ELMO1: variants seen among roughly 807,000 people sequenced by gnomAD.
ELMO1 encodes engulfment and cell motility 1.
A neutral mutation model predicts 98.9 loss-of-function variants in ELMO1; 26 were observed. That is an observed-to-expected ratio of 0.26 (90% CI 0.19 to 0.36). ELMO1 has a LOEUF of 0.36. Ranked by LOEUF, ELMO1 falls within the 10% of genes least tolerant of loss-of-function variation. The pLI, the probability that ELMO1 is intolerant of heterozygous loss-of-function variation, is 1.00. For missense variants in ELMO1, 627 were observed against 935.2 expected (o/e 0.67, Z 4.30); for synonymous variants, 346 against 346.0 (o/e 1.00, Z 0.00).
chr7:36,995,969 G>A (rs192538432), intron 16 of ELMO1, among the ~76,000 whole-genome samples: 5 of 152,138 alleles, frequency 3.3e-5, no homozygotes, highest in African/African-American at 1.2e-4. Context: ...CTGGAAGCCA[G>A]GGATCTCCAG....
At chr7:37,003,964 C>A (rs747088960) in intron 16 of ELMO1, among the ~76,000 whole-genome samples, 1 of 152,208 alleles carries the variant, frequency 6.6e-6, no homozygotes, top group Non-Finnish European at 1.5e-5. Flanking sequence ...TATGACAGCA[C>A]CTATGTGCTC....
rs369354930 is a variant in ELMO1 at position 37,311,159 on chromosome 7, C to CAA, written c.192+3689_192+3690dup. On this transcript the variant is annotated intron_variant, in intron 4 of 21. Transcript: ENST00000310758. ...AACATGACATTTTCCCCCACTGCAC[C>CAA]AAAAAAAAACCTCAGTTAATGGCCT... Among the ~76,000 whole-genome samples, 391 of 147,780 alleles carry CAA rather than the reference C, an allele frequency of 2.6e-3. 2 individuals carry two copies. The highest frequency in any genetic ancestry group is 7.3e-3 in the Middle Eastern group (2 of 274).
chr7:37,249,934 T>C (rs541455026), intron 6 of ELMO1, among the ~76,000 whole-genome samples: 1 of 152,188 alleles, frequency 6.6e-6, no homozygotes, highest in South Asian at 2.1e-4. Flanking sequence ...ATTTAAAAAT[T>C]AGCCAGGTGT....
At chr7:36,903,186 T>A (rs1316291876) in intron 16 of ELMO1, among the ~76,000 whole-genome samples, 1 of 152,236 alleles carries the variant, frequency 6.6e-6, no homozygotes, top group South Asian at 2.1e-4. Context: ...TTCACTCCTG[T>A]GCCTTCATTC....
Position 37,295,151 on chromosome 7 carries a change from A to G in ELMO1, c.192+19699T>C, listed in dbSNP as rs548120498. On this transcript the variant is annotated intron_variant, in intron 4 of 21. Coordinates refer to ENST00000310758, the MANE Select transcript of ELMO1 (RefSeq NM_014800.11). ...GCACATACCTATGTAGAAAACCTAT[A>G]AAACATTCATGAGAATGATATACTT... 2.6e-5 allele frequency among the ~76,000 whole-genome samples: 4 copies of G among 152,346 alleles called. No individual in the cohort carries two copies. In the South Asian group the frequency reaches 8.3e-4, roughly 32 times the overall value.
At chr7:36,891,056 G>A (rs181685545) in intron 17 of ELMO1, among the ~76,000 whole-genome samples, 17 of 152,176 alleles carry the variant, frequency 1.1e-4, no homozygotes, top group Admixed American at 5.2e-4. Context: ...TACTCAATTG[G>A]CACCATCCTA....
At chr7:37,086,363 TGTGTG>T (rs981435280) in intron 15 of ELMO1, among the ~76,000 whole-genome samples, 7 of 151,310 alleles carry the variant, frequency 4.6e-5, no homozygotes, top group African/African-American at 1.2e-4. Context: ...TGTGTGTGTG[TGTGTG>T]AAGAGAAGGA....
chr7:37,115,202 A>C (rs1217677435), intron 14 of ELMO1, among the ~76,000 whole-genome samples: 1 of 152,198 alleles, frequency 6.6e-6, no homozygotes, highest in Non-Finnish European at 1.5e-5. Flanking sequence ...ATTCTCTACA[A>C]TCTGTTCCAG....
chr7:36,965,678 G>A (rs566492240), intron 16 of ELMO1, among the ~76,000 whole-genome samples: 1 of 152,106 alleles, frequency 6.6e-6, no homozygotes, highest in African/African-American at 2.4e-5. Flanking sequence ...TTGAAATCAA[G>A]TTTCTATAAA....
At chr7:37,438,396 G>A (rs1805239872) in intron 1 of ELMO1, among the ~76,000 whole-genome samples, 1 of 147,278 alleles carries the variant, frequency 6.8e-6, no homozygotes, top group African/African-American at 2.5e-5. Flanking sequence ...GACCATCCTG[G>A]CTAACACAGT....
intron 13 of ELMO1, among the ~76,000 whole-genome samples, chr7:37,167,371 T>C (rs1407092184): frequency 6.6e-6 from 1 of 152,026 alleles, no homozygotes; most frequent in African/African-American, 2.4e-5. Flanking sequence ...GTGAATTTGA[T>C]CCTGTCATTA....
chr7:37,074,316 G>T (rs1177814447), intron 15 of ELMO1, among the ~76,000 whole-genome samples: 1 of 151,802 alleles, frequency 6.6e-6, no homozygotes, highest in Non-Finnish European at 1.5e-5. Context: ...GGATTACTGT[G>T]GGTAAAACAG....
intron 12 of ELMO1, 125 bp downstream of exon 12, chr7:37,213,210 G>C: frequency 7.8e-7 from 1 of 1,278,496 alleles, no homozygotes; most frequent in Non-Finnish European, 1.1e-6. Flanking sequence ...TAAGTTCTGA[G>C]ATGATAATAA....
chr7:37,023,795 G>C (rs991643110), intron 15 of ELMO1, among the ~76,000 whole-genome samples: 2 of 152,024 alleles, frequency 1.3e-5, no homozygotes, highest in Non-Finnish European at 2.9e-5. Flanking sequence ...TGTTGGCCAG[G>C]CTGGTCTTGA....
rs571261474 is a variant in ELMO1, at chr7:36,853,681, A to G, written c.*1870T>C. ...GACCATATCATCTCAACCCAGGTCA[A>G]TCTGTAATTGCACATCCTGATGACG... On this transcript the variant is annotated 3_prime_UTR_variant, in exon 22 of 22. Coordinates refer to ENST00000310758, the MANE Select transcript of ELMO1 (RefSeq NM_014800.11). Among the ~76,000 whole-genome samples the G allele has an allele frequency of 3.3e-5, 5 of 152,316 alleles. No homozygotes were observed. The East Asian group carries it at 9.7e-4, about 29-fold the overall frequency.
intron 1 of ELMO1, among the ~76,000 whole-genome samples, chr7:37,403,277 G>T (rs1226354724): frequency 6.6e-6 from 1 of 152,154 alleles, no homozygotes; most frequent in Non-Finnish European, 1.5e-5. Flanking sequence ...TCAGTGGTTT[G>T]CCTGGCACAG....
At chr7:36,905,105 A>G (rs1170048821) in intron 16 of ELMO1, among the ~76,000 whole-genome samples, 1 of 152,214 alleles carries the variant, frequency 6.6e-6, no homozygotes, top group Non-Finnish European at 1.5e-5. Flanking sequence ...ACGGTGGGGG[A>G]AAAGCAGAAA....
intron 8 of ELMO1, among the ~76,000 whole-genome samples, chr7:37,230,247 T>C (rs1317070653): frequency 1.3e-5 from 2 of 152,196 alleles, no homozygotes; most frequent in Non-Finnish European, 2.9e-5. Context: ...TGGGAAATAC[T>C]GTTAAATGAA....
chr7:37,084,687 T>A (rs1783668512), intron 15 of ELMO1, among the ~76,000 whole-genome samples: 1 of 152,124 alleles, frequency 6.6e-6, no homozygotes, highest in Non-Finnish European at 1.5e-5. Context: ...TTATTGACTC[T>A]GGGAATTCTC....
Sources: allele counts gnomAD v4.1 joint callset (sites outside exome capture counted in the v4.1 genomes callset), GRCh38; gene constraint gnomAD v4.1.1; transcripts MANE v1.5; gene names NCBI Gene and HGNC (gene_info 2026-07-23, HGNC 2026-07-21).